The following FNBP1 variants were observed in gnomAD, a reference collection of about 807,000 sequenced individuals.
The protein encoded by FNBP1 is formin binding protein 1.
FNBP1 carries 26 observed loss-of-function variants against 90.6 expected under a neutral mutation model. The observed-to-expected ratio is 0.29, with a 90% CI of 0.21 to 0.40. The LOEUF is 0.40. Ranked by LOEUF, FNBP1 falls within the 10% of genes least tolerant of loss-of-function variation. The probability of loss-of-function intolerance (pLI) is 1.00; values close to 1 mark genes in which losing one functional copy is unlikely to be tolerated. For synonymous variants in FNBP1, 260 were observed against 265.2 expected, an observed-to-expected ratio of 0.98 and a Z score of 0.19; for missense variants, 635 against 768.0, an observed-to-expected ratio of 0.83 and a Z score of 2.05.
chr9:129,973,375 A>G (rs761053373), intron 4 of FNBP1, among the ~76,000 whole-genome samples: 1 of 152,250 alleles, frequency 6.6e-6, no homozygotes, highest in Non-Finnish European at 1.5e-5. Context: ...AATCATCCTT[A>G]CAATAAAATA....
chr9:130,020,589 G>GT (rs1035545072), intron 1 of FNBP1, among the ~76,000 whole-genome samples: 24 of 152,094 alleles, frequency 1.6e-4, no homozygotes, highest in African/African-American at 5.8e-4. Context: ...TAAAGCCACT[G>GT]TTTCTGTAAC....
At chr9:129,944,209 ATATT>A (rs1449005903) in intron 6 of FNBP1, among the ~76,000 whole-genome samples, 1 of 151,916 alleles carries the variant, frequency 6.6e-6, no homozygotes, top group Non-Finnish European at 1.5e-5. Flanking sequence ...TGTCAAATAA[ATATT>A]CTTGTTGAAT....
chr9:129,938,397 G>GTC (rs1030905653), intron 6 of FNBP1, among the ~76,000 whole-genome samples: 6 of 152,016 alleles, frequency 3.9e-5, no homozygotes, highest in African/African-American at 1.5e-4. Flanking sequence ...AGTTTTTGTT[G>GTC]GAGACTTCCA....
rs184569494 is a variant in FNBP1 at position 130,029,195 on chromosome 9, G to T, written c.24+13757C>A. Among the ~76,000 whole-genome samples, 3 of 150,834 alleles carry T rather than the reference G, an allele frequency of 2.0e-5. No individual in the cohort carries two copies. In the East Asian group the frequency reaches 5.8e-4, roughly 29 times the overall value. ...TTCTGAAACAGGGTCTTGCTCTGTC[G>T]CCCAGCCTGGAGTGCAGTGGTGCAG... On this transcript the variant is annotated intron_variant, in intron 1 of 16. Transcript: ENST00000446176.
chr9:129,948,460 G>T (rs1442196682), intron 6 of FNBP1, among the ~76,000 whole-genome samples: 1 of 139,704 alleles, frequency 7.2e-6, no homozygotes, highest in Non-Finnish European at 1.5e-5. Flanking sequence ...CCCGTCCCAG[G>T]TTCAAGAGAC....
chr9:129,927,594 A>G (rs1255816702), intron 7 of FNBP1, among the ~76,000 whole-genome samples: 2 of 151,950 alleles, frequency 1.3e-5, no homozygotes, highest in African/African-American at 4.8e-5. Flanking sequence ...GCCAAACTCA[A>G]TAGTTCTTTT....
At chr9:129,987,752 C>T (rs2052516988) in intron 2 of FNBP1, among the ~76,000 whole-genome samples, 2 of 152,062 alleles carry the variant, frequency 1.3e-5, no homozygotes, top group South Asian at 2.1e-4. Context: ...CTGCCCACCT[C>T]GGCCTCCCAA....
intron 1 of FNBP1, among the ~76,000 whole-genome samples, chr9:130,016,823 G>A (rs550649927): frequency 6.6e-6 from 1 of 152,318 alleles, no homozygotes; most frequent in Non-Finnish European, 1.5e-5. Flanking sequence ...TTTCTAGCCT[G>A]TGGTCAGAGT....
intron 1 of FNBP1, among the ~76,000 whole-genome samples, chr9:130,017,105 G>A (rs975722382): frequency 6.6e-6 from 1 of 152,032 alleles, no homozygotes; most frequent in African/African-American, 2.4e-5. Context: ...AATTTATGAA[G>A]AGCATGCAAT....
chr9:129,897,212 T>C (rs968335831), intron 15 of FNBP1, among the ~76,000 whole-genome samples: 1 of 152,162 alleles, frequency 6.6e-6, no homozygotes, highest in Non-Finnish European at 1.5e-5. Context: ...CAGCCCCGAA[T>C]ATATGCAGTT....
At chr9:129,941,773 AT>A (rs1054199320) in intron 6 of FNBP1, among the ~76,000 whole-genome samples, 1 of 151,958 alleles carries the variant, frequency 6.6e-6, no homozygotes. Context: ...CCTGAATGAT[AT>A]TTTTTAAAAG....
At chr9:129,963,763 C>T (rs545138635) in intron 4 of FNBP1, among the ~76,000 whole-genome samples, 317 of 152,068 alleles carry the variant, frequency 2.1e-3, no homozygotes, top group African/African-American at 7.4e-3. Flanking sequence ...TACAGGCATG[C>T]GCCACCACGC....
intron 1 of FNBP1, among the ~76,000 whole-genome samples, chr9:130,033,094 G>T (rs1041825018): frequency 6.6e-6 from 1 of 152,070 alleles, no homozygotes; most frequent in East Asian, 1.9e-4. Flanking sequence ...AGGGACCAGA[G>T]TTTTTTTCAT....
At chr9:130,044,159 C>T (rs1303419890), upstream of FNBP1, among the ~76,000 whole-genome samples, 1 of 152,214 alleles carries the variant, frequency 6.6e-6, no homozygotes, top group Non-Finnish European at 1.5e-5. Context: ...GAATCACTAG[C>T]CCTTTCCCCA....
rs189794842 is a variant in FNBP1 at position 129,981,033 on chromosome 9, A to T, written c.141-1659T>A. ...GCCACTGCACTCCAGCCTGGGCAAC[A>T]GAGCGAGACTCCGTCTCAAAAAAAA... On this transcript the variant is annotated intron_variant, in intron 2 of 16. Coordinates refer to ENST00000446176, the MANE Select transcript of FNBP1 (RefSeq NM_015033.3). Among the ~76,000 whole-genome samples, 1,224 of 138,178 alleles carry T rather than the reference A, an allele frequency of 8.9e-3. 16 individuals carry two copies. The highest frequency in any genetic ancestry group is 0.031 in the African/African-American group (1,157 of 37,676). 90.7% of individuals were successfully genotyped at this position (138,178 alleles called of 152,430 possible).
intron 6 of FNBP1, among the ~76,000 whole-genome samples, chr9:129,937,890 C>T (rs1395075639): frequency 2.6e-5 from 4 of 151,904 alleles, no homozygotes; most frequent in Admixed American, 6.6e-5. Flanking sequence ...AGGCTGGCCG[C>T]GGTGGCTCAT....
intron 1 of FNBP1, among the ~76,000 whole-genome samples, chr9:130,002,497 A>T (rs576887361): frequency 7.9e-5 from 12 of 152,122 alleles, no homozygotes; most frequent in Non-Finnish European, 1.3e-4. Context: ...TGGTTGTTAG[A>T]AAGAGCCCAG....
chr9:129,896,281 T>C (rs2035726581), intron 15 of FNBP1, among the ~76,000 whole-genome samples: 1 of 152,172 alleles, frequency 6.6e-6, no homozygotes, highest in South Asian at 2.1e-4. Flanking sequence ...TCTCACTGGA[T>C]AAATCTTTGG....
chr9:129,984,032 G>A (rs575855420), intron 2 of FNBP1, among the ~76,000 whole-genome samples: 10 of 152,098 alleles, frequency 6.6e-5, no homozygotes, highest in Non-Finnish European at 1.0e-4. Context: ...TGGCTGATTT[G>A]AAGAACCACA....
Sources: allele counts gnomAD v4.1 joint callset (sites outside exome capture counted in the v4.1 genomes callset), GRCh38; gene constraint gnomAD v4.1.1; transcripts MANE v1.5; gene names NCBI Gene and HGNC (gene_info 2026-07-23, HGNC 2026-07-21).